LRBA: variants seen among roughly 807,000 people sequenced by gnomAD.
The protein encoded by LRBA is LPS responsive beige-like anchor protein.
Under a neutral mutation model 330.0 loss-of-function variants are expected in LRBA, and 176 were observed. The observed-to-expected ratio is 0.53, with a 90% CI of 0.47 to 0.60. LRBA has a LOEUF of 0.60. LRBA is among the 20% of genes least tolerant of loss of function. LRBA has a pLI of 0.00. For missense variants in LRBA, 3,259 were observed against 3,444.8 expected (o/e 0.95, Z 1.35); for synonymous variants, 1,230 against 1,193.0 (o/e 1.03, Z -0.64).
In LRBA at chr4:150,808,394, A is replaced by G; in HGVS notation, c.5310T>C (p.Ser1770=). The G allele has an allele frequency of 6.3e-7, 1 of 1,592,162 alleles. No individual in the cohort carries two copies. Among genetic ancestry groups the G allele is most frequent in the Non-Finnish European group, 8.6e-7 (1 of 1,161,372 alleles). Residue 1770 remains serine, a synonymous_variant, in exon 32 of 57, where the codon AGT becomes AGC. Transcript: ENST00000651943. ...AGGGCAATTTTGCATTAGATGATCT[A>G]CTGCCTATAAAAGAAAAATAACCAT... The part of the protein sequence containing the change: ...ASDMGGESPG[S]RSSNAKLPSV...
Position 150,755,027 on chromosome 4 carries a change from C to G in LRBA, c.5645+6756G>C, listed in dbSNP as rs537103593. Among the ~76,000 whole-genome samples, 4 of 152,326 alleles carry G rather than the reference C, an allele frequency of 2.6e-5. No homozygotes were observed. The South Asian group carries it at 8.3e-4, about 32-fold the overall frequency. Reference sequence around the variant, plus strand: ...CTAAAATACAAGTGCTAATGGCCAACAGGGTCCAAATGAAATATTTTCTGG... The same window carrying G: ...CTAAAATACAAGTGCTAATGGCCAAGAGGGTCCAAATGAAATATTTTCTGG... On this transcript the variant is annotated intron_variant, in intron 35 of 56. Coordinates refer to ENST00000651943, the MANE Select transcript of LRBA (RefSeq NM_001364905.1).
chr4:150,517,388 G>A (rs1190582799), intron 40 of LRBA, among the ~76,000 whole-genome samples: 1 of 152,080 alleles, frequency 6.6e-6, no homozygotes, highest in Non-Finnish European at 1.5e-5. Context: ...AGGCATGGTG[G>A]CATGCAGCCA....
At chr4:150,468,786 T>C (rs1365874640) in intron 43 of LRBA, among the ~76,000 whole-genome samples, 2 of 152,052 alleles carry the variant, frequency 1.3e-5, no homozygotes, top group African/African-American at 4.8e-5. Context: ...AATATTAAAG[T>C]AGTTCTCTGT....
At chr4:150,404,912 G>A (rs971649536) in intron 47 of LRBA, among the ~76,000 whole-genome samples, 16 of 152,030 alleles carry the variant, frequency 1.1e-4, no homozygotes, top group Admixed American at 1.0e-3. Context: ...TAAACAAAAT[G>A]CGGTTTACTC....
At chr4:150,826,240 C>G (rs1746257117) in intron 30 of LRBA, among the ~76,000 whole-genome samples, 2 of 152,116 alleles carry the variant, frequency 1.3e-5, no homozygotes, top group Non-Finnish European at 2.9e-5. Context: ...CAGATGAGTT[C>G]CTAGACATCA....
chr4:150,953,295 T>C (rs765039609), intron 2 of LRBA, among the ~76,000 whole-genome samples: 2 of 152,118 alleles, frequency 1.3e-5, no homozygotes, highest in African/African-American at 4.8e-5. Flanking sequence ...TTCTCCAGGA[T>C]AGACCATGTT....
At chr4:150,680,432 G>A (rs1308529252) in intron 37 of LRBA, among the ~76,000 whole-genome samples, 1 of 152,184 alleles carries the variant, frequency 6.6e-6, no homozygotes, top group Non-Finnish European at 1.5e-5. Flanking sequence ...ATTCAGGCAG[G>A]TCACTAGGTG....
chr4:150,856,209 C>A (rs1422875716), intron 22 of LRBA, among the ~76,000 whole-genome samples: 3 of 152,142 alleles, frequency 2.0e-5, no homozygotes, highest in Non-Finnish European at 4.4e-5. Flanking sequence ...TTAATCAGCA[C>A]ATGATGAAGG....
At position 150,908,876 on chromosome 4, in the gene LRBA, C is replaced by G. The variant is rs1487679997; in HGVS notation, c.1162-19G>C. On this transcript the variant is annotated intron_variant, in intron 9 of 56. Transcript: ENST00000651943. ...ATGTACCCTAAGAATTAATTAAAAA[C>G]AGTTAAATAGTATGCCACAAAGAGA... The G allele has an allele frequency of 6.5e-6, 10 of 1,549,942 alleles. No individual in the cohort carries two copies. Among genetic ancestry groups the G allele is most frequent in the Non-Finnish European group, 8.9e-6 (10 of 1,125,950 alleles).
intron 40 of LRBA, among the ~76,000 whole-genome samples, chr4:150,507,598 C>A (rs1255939720): frequency 1.2e-4 from 18 of 152,104 alleles, no homozygotes; most frequent in African/African-American, 4.1e-4. Flanking sequence ...TAAAGACTTA[C>A]ATGTTAGACC....
chr4:150,571,748 T>A (rs2152284864), intron 40 of LRBA, among the ~76,000 whole-genome samples: 1 of 147,198 alleles, frequency 6.8e-6, no homozygotes, highest in South Asian at 2.2e-4. Context: ...AGCTAGATGA[T>A]ACTACAGACA....
At position 150,698,206 on chromosome 4, in the gene LRBA, A is replaced by C. The variant is rs551048905; in HGVS notation, c.5755-14489T>G. Among the ~76,000 whole-genome samples the C allele has an allele frequency of 2.6e-5, 4 of 152,304 alleles. No homozygotes were observed. In the East Asian group the frequency reaches 5.8e-4, roughly 22 times the overall value. On this transcript the variant is annotated intron_variant, in intron 36 of 56. Transcript: ENST00000651943. The stretch of plus-strand genomic sequence containing the variant: ...TAAATTATAAACAAATGTTGTATAA[A>C]ATACACTGTAAAGATTTTTAATTAG...
At chr4:150,917,436 T>C (rs1232453955) in intron 5 of LRBA, among the ~76,000 whole-genome samples, 1 of 151,966 alleles carries the variant, frequency 6.6e-6, no homozygotes, top group Non-Finnish European at 1.5e-5. Flanking sequence ...TGGACAGGAA[T>C]GGAAAGAGAG....
Position 150,629,567 on chromosome 4 carries a change from A to G in LRBA, c.5922-30436T>C, listed in dbSNP as rs141292751. ...GGCAGGAAGATCACTTGAACCCAGG[A>G]GGCGAAGGTTGCAGTGAGCCAAGGT... On this transcript the variant is annotated intron_variant, in intron 37 of 56. Transcript: ENST00000651943. Among the ~76,000 whole-genome samples the G allele has an allele frequency of 5.6e-4, 86 of 152,292 alleles. 2 individuals carry two copies. In the East Asian group the frequency reaches 0.014, roughly 26 times the overall value.
intron 37 of LRBA, among the ~76,000 whole-genome samples, chr4:150,646,357 T>C (rs1256353122): frequency 6.6e-6 from 1 of 152,020 alleles, no homozygotes; most frequent in East Asian, 1.9e-4. Context: ...TGGTTCAGTA[T>C]TGACATGTTA....
intron 2 of LRBA, among the ~76,000 whole-genome samples, chr4:150,934,482 G>A (rs1734857669): frequency 6.6e-6 from 1 of 152,202 alleles, no homozygotes; most frequent in African/African-American, 2.4e-5. Flanking sequence ...AGGCCCTGAG[G>A]AAATAGTGGA....
intron 56 of LRBA, among the ~76,000 whole-genome samples, chr4:150,270,846 T>C (rs555956113): frequency 6.6e-6 from 1 of 152,264 alleles, no homozygotes; most frequent in East Asian, 1.9e-4. Context: ...GATAAAGGCA[T>C]TTTACATTAA....
intron 47 of LRBA, among the ~76,000 whole-genome samples, chr4:150,405,852 C>G (rs1045804786): frequency 1.3e-5 from 2 of 151,940 alleles, no homozygotes; most frequent in Middle Eastern, 3.4e-3. Context: ...GTCAGGAGTT[C>G]AAGACCAGCT....
chr4:150,824,725 G>C (rs1745976510), intron 30 of LRBA, among the ~76,000 whole-genome samples: 1 of 152,066 alleles, frequency 6.6e-6, no homozygotes, highest in Non-Finnish European at 1.5e-5. Flanking sequence ...GTTTGTGTAT[G>C]CTCAGACATT....
Sources: gnomAD v4.1 joint callset for allele counts (sites outside exome capture counted in the v4.1 genomes callset) on GRCh38, gnomAD v4.1.1 for gene constraint, MANE v1.5 for transcripts, NCBI Gene and HGNC (gene_info 2026-07-23, HGNC 2026-07-21) for gene names.